Variants in STRN4 observed in about 807,000 individuals in gnomAD.
STRN4 encodes the protein striatin-4.
Under a neutral mutation model 77.9 loss-of-function variants are expected in STRN4, and 27 were observed. That is an observed-to-expected ratio of 0.35 (90% confidence interval 0.26 to 0.48). The LOEUF is 0.48. Ranked by LOEUF, STRN4 falls within the 20% of genes least tolerant of loss-of-function variation. The pLI is 0.99. For synonymous variants in STRN4, 466 were observed against 443.1 expected (o/e 1.05, Z -0.65); for missense variants, 798 against 1,049.7 (o/e 0.76, Z 3.31).
intron 14 of STRN4, 123 bp downstream of exon 14, chr19:46,722,687 C>T: frequency 6.9e-7 from 1 of 1,440,292 alleles, no homozygotes; most frequent in Non-Finnish European, 9.4e-7. Flanking sequence ...CCTTCCTGCT[C>T]AGGGCCTGAG....
chr19:46,736,607 G>T (rs1234714383), intron 4 of STRN4, among the ~76,000 whole-genome samples: 3 of 146,138 alleles, frequency 2.1e-5, no homozygotes, highest in Non-Finnish European at 4.5e-5. Context: ...CATTCCAACA[G>T]GGGTGTCCCC....
At position 46,723,103 on chromosome 19, in the gene STRN4, C is replaced by T. The variant is rs771122319; in HGVS notation, c.1765+11G>A. 1.9e-6 allele frequency: 3 copies of T among 1,559,656 alleles called. No individual in the cohort carries two copies. The highest frequency in any genetic ancestry group is 2.6e-6 in the Non-Finnish European group (3 of 1,152,378). On this transcript the variant is annotated intron_variant, in intron 13 of 17. Transcript: ENST00000263280. This position sits in a 1 kb window ranked among gnomAD's most constrained non-coding sequence, Gnocchi z 5.5. Reference sequence around the variant, plus strand: ...ACAGCTCCAGGGTGAGGCACCGGGGCCCCCACTCACCGCTGGCTGTGGGGA... The same window carrying T: ...ACAGCTCCAGGGTGAGGCACCGGGGTCCCCACTCACCGCTGGCTGTGGGGA...
intron 16 of STRN4, chr19:46,721,723 A>C: frequency 2.2e-6 from 1 of 448,540 alleles, no homozygotes; most frequent in Non-Finnish European, 4.1e-6. Flanking sequence ...TCTGGGCATC[A>C]GGGCCCACAT....
At chr19:46,745,954 T>G in intron 1 of STRN4, 195 bp downstream of exon 1, 1 of 543,710 alleles carries the variant, frequency 1.8e-6, no homozygotes, top group East Asian at 4.6e-5. Context: ...CCCGGTCCCG[T>G]CCCACCCCGG....
In STRN4 at chr19:46,738,049, C is replaced by T. The variant is rs1277956833; in HGVS notation, c.460+115G>A. On this transcript the variant is annotated intron_variant, in intron 3 of 17. Transcript: ENST00000263280. This position sits in a 1 kb window ranked among gnomAD's most constrained non-coding sequence, Gnocchi z 4.5. The stretch of plus-strand genomic sequence containing the variant: ...TTCCGCCCCTCCCCAGCCCCGGGGC[C>T]GATTCTGCCTTCTAAGGAGCAAAGT... The T allele has an allele frequency of 6.4e-6, 7 of 1,099,402 alleles. No individual in the cohort carries two copies. The highest frequency in any genetic ancestry group is 3.1e-5 in the African/African-American group (2 of 64,816). 68.1% of individuals were successfully genotyped at this position (1,099,402 alleles called of 1,614,324 possible). A position where few individuals can be genotyped will look rare whatever the true frequency, so the allele number is the denominator to read the frequency against.
chr19:46,725,444 G>T, intron 10 of STRN4, 29 bp downstream of exon 10: 1 of 1,613,672 alleles, frequency 6.2e-7, no homozygotes, highest in Non-Finnish European at 8.5e-7. Flanking sequence ...AGATGCCCCT[G>T]CCCCCGGCTC....
Position 46,734,301 on chromosome 19 carries a change from T to C in STRN4, c.540-1065A>G, listed in dbSNP as rs544582239. ...CAGTGAGGAGCCAACAGGTGGAAAA[T>C]GTTTAGCACAGTGCCAGGCACGTAA... On this transcript the variant is annotated intron_variant, in intron 4 of 17. Coordinates refer to ENST00000263280, the MANE Select transcript of STRN4 (RefSeq NM_013403.3). 1.4e-4 allele frequency among the ~76,000 whole-genome samples: 21 copies of C among 152,304 alleles called. No homozygotes were observed. In the South Asian group the frequency reaches 4.4e-3, roughly 32 times the overall value.
chr19:46,742,945 C>CT (rs1352438260), intron 1 of STRN4, among the ~76,000 whole-genome samples: 2 of 152,242 alleles, frequency 1.3e-5, no homozygotes, highest in South Asian at 4.1e-4. Context: ...GGGGTTCTCA[C>CT]TGCAGCCATG....
chr19:46,727,044 AGCTCCCAGCTGGCCAAAG>A lies in STRN4; in HGVS notation c.1248+390_1248+407del, dbSNP rs542531236. Among the ~76,000 whole-genome samples, 635 of 151,900 alleles carry A rather than the reference AGCTCCCAGCTGGCCAAAG, an allele frequency of 4.2e-3. 4 individuals carry two copies. Among genetic ancestry groups the A allele is most frequent in the African/African-American group, 0.014 (562 of 41,384 alleles). Reference sequence around the variant, plus strand: ...AATGTGCACATACACCCACACCAAAAGCTCCCAGCTGGCCAAAGGCTCCCAGCTGGCCAAAGGCTCCCA... The same window carrying A: ...AATGTGCACATACACCCACACCAAAAGCTCCCAGCTGGCCAAAGGCTCCCA... On this transcript the variant is annotated intron_variant, in intron 9 of 17. Coordinates refer to ENST00000263280, the MANE Select transcript of STRN4 (RefSeq NM_013403.3).
At chr19:46,731,419 C>G (rs1372678406) in intron 5 of STRN4, 3 of 154,780 alleles carry the variant, frequency 1.9e-5, no homozygotes, top group Admixed American at 1.9e-4. Context: ...CCTCCTTCCA[C>G]CTCCTGGCTT....
intron 5 of STRN4, chr19:46,732,806 G>A (rs886511644): frequency 1.5e-5 from 8 of 539,036 alleles, no homozygotes; most frequent in South Asian, 2.4e-5. Flanking sequence ...GTATCAGGAC[G>A]GGGGCAGGGC....
chr19:46,730,588 A>T, intron 6 of STRN4, 144 bp downstream of exon 6: 2 of 1,291,232 alleles, frequency 1.5e-6, no homozygotes, highest in South Asian at 2.8e-5. Context: ...GCTGGCCACA[A>T]GCTCCTCCAG....
rs1054619520 is a variant in STRN4 at position 46,738,048 on chromosome 19, C to A, written c.460+116G>T. 1 of 1,078,686 alleles carries A rather than the reference C, an allele frequency of 9.3e-7. No homozygotes were observed. Among genetic ancestry groups the A allele is most frequent in the Admixed American group, 1.8e-5 (1 of 56,164 alleles). 66.8% of individuals were successfully genotyped at this position (1,078,686 alleles called of 1,614,324 possible). On this transcript the variant is annotated intron_variant, in intron 3 of 17. Transcript: ENST00000263280. The surrounding 1 kb of genome is among the most constrained non-coding windows in gnomAD (Gnocchi z 4.5). Reference sequence around the variant, plus strand: ...ATTCCGCCCCTCCCCAGCCCCGGGGCCGATTCTGCCTTCTAAGGAGCAAAG... The same window carrying A: ...ATTCCGCCCCTCCCCAGCCCCGGGGACGATTCTGCCTTCTAAGGAGCAAAG...
At chr19:46,728,153 G>A in intron 7 of STRN4, 146 bp from the exon 8 acceptor site, 1 of 804,080 alleles carries the variant, frequency 1.2e-6, no homozygotes. Context: ...ATGGGCAGAG[G>A]AGAGGAGGTT....
Position 46,727,530 on chromosome 19 carries a change from G to A in STRN4, c.1170C>T (p.Asp390=), listed in dbSNP as rs1216897947. The stretch of plus-strand genomic sequence containing the variant: ...GGCTCACCTCCCCGCCCCCGATAGT[G>A]TCCATGATGAAGACGTCTGAGGAGA... ...PRPHEDVFIM[D]TIGGGEVSLG... Residue 390 remains aspartate (D), a synonymous_variant, in exon 9 of 18, where the codon GAC becomes GAT. Transcript: ENST00000263280. 4.3e-6 allele frequency: 7 copies of A among 1,613,992 alleles called. No individual in the cohort carries two copies. Among genetic ancestry groups the A allele is most frequent in the Non-Finnish European group, 5.1e-6 (6 of 1,179,950 alleles).
At chr19:46,744,896 A>G (rs994797509) in intron 1 of STRN4, among the ~76,000 whole-genome samples, 2 of 152,014 alleles carry the variant, frequency 1.3e-5, no homozygotes, top group Admixed American at 1.3e-4. Context: ...AGTCACTGCC[A>G]ATGGACCTGA....
intron 14 of STRN4, 89 bp from the exon 15 acceptor site, chr19:46,722,429 A>C: frequency 7.5e-7 from 1 of 1,332,196 alleles, no homozygotes. Flanking sequence ...GACAGCCCCT[A>C]CACCAGCCTC....
In STRN4 at chr19:46,719,625, A is replaced by G. The variant is rs551646028; in HGVS notation, c.*780T>C. 18 of 152,764 alleles carry G rather than the reference A, an allele frequency of 1.2e-4. No individual in the cohort carries two copies. The highest frequency in any genetic ancestry group is 1.0e-3 in the Admixed American group (16 of 15,306). 9.5% of individuals were successfully genotyped at this position (152,764 alleles called of 1,614,324 possible). A position where few individuals can be genotyped will look rare whatever the true frequency, so the allele number is the denominator to read the frequency against. ...CGAGGGTGCAGGGTAGAACCAAACAAGAGAGTGAAATAAATAGAGGGAAAG... is the reference window on the plus strand; with the variant it reads ...CGAGGGTGCAGGGTAGAACCAAACAGGAGAGTGAAATAAATAGAGGGAAAG... On this transcript the variant is annotated 3_prime_UTR_variant, in exon 18 of 18. Coordinates refer to ENST00000263280, the MANE Select transcript of STRN4 (RefSeq NM_013403.3).
Position 46,720,777 on chromosome 19 carries a change from C to A in STRN4, c.2093-6G>T, listed in dbSNP as rs1047019747. The A allele has an allele frequency of 1.3e-6, 2 of 1,565,608 alleles. No homozygotes were observed. Among genetic ancestry groups the A allele is most frequent in the Admixed American group, 1.8e-5 (1 of 56,150 alleles). On this transcript the variant is annotated splice_polypyrimidine_tract_variant and splice_region_variant and intron_variant, in intron 16 of 17. Coordinates refer to ENST00000263280, the MANE Select transcript of STRN4 (RefSeq NM_013403.3). ...ACGCAGGGAGCAGTCATGGCCTGCA[C>A]ATGTGTCGGGGACAGAAGGGGTGGT...
Sources: allele counts gnomAD v4.1 joint callset (sites outside exome capture counted in the v4.1 genomes callset), GRCh38; gene constraint gnomAD v4.1.1; non-coding constraint Gnocchi (gnomAD v3.1); transcripts MANE v1.5; gene names NCBI Gene and HGNC (gene_info 2026-07-23, HGNC 2026-07-21).